KPNA3: variants seen among roughly 807,000 people sequenced by gnomAD.
The protein encoded by KPNA3 is importin subunit alpha-4.
A neutral mutation model predicts 73.8 loss-of-function variants in KPNA3; 13 were observed. That is an observed-to-expected ratio of 0.18 (90% CI 0.11 to 0.28). The LOEUF is 0.28. KPNA3 is among the 10% of genes least tolerant of loss of function. The pLI, the probability that KPNA3 is intolerant of heterozygous loss-of-function variation, is 1.00. For missense variants in KPNA3, 360 were observed against 618.1 expected, an observed-to-expected ratio of 0.58 and a Z score of 4.43; for synonymous variants, 186 against 206.9, an observed-to-expected ratio of 0.90 and a Z score of 0.87.
rs984970107 is a variant in KPNA3 at position 49,716,447 on chromosome 13, A to T, written c.771+3328T>A. On this transcript the variant is annotated intron_variant, in intron 10 of 16. Transcript: ENST00000261667. The stretch of plus-strand genomic sequence containing the variant: ...TATCACACTTTAATTTTATTTAATT[A>T]TTTTTTTTTAACACAGCATCTCGCT... Among the ~76,000 whole-genome samples, 6 of 150,944 alleles carry T rather than the reference A, an allele frequency of 4.0e-5. No individual in the cohort carries two copies. The Admixed American group carries it at 4.0e-4, about 10-fold the overall frequency.
intron 1 of KPNA3, among the ~76,000 whole-genome samples, chr13:49,768,461 C>CTGATATTGT (rs1208993589): frequency 6.6e-6 from 1 of 151,280 alleles, no homozygotes; most frequent in Non-Finnish European, 1.5e-5. Context: ...ATCATAATGA[C>CTGATATTGT]TGATATTGTT....
intron 7 of KPNA3, among the ~76,000 whole-genome samples, chr13:49,722,972 T>C (rs1165087154): frequency 2.6e-5 from 4 of 152,078 alleles, no homozygotes; most frequent in Non-Finnish European, 5.9e-5. Context: ...ATCTTATACT[T>C]TAAAATAATT....
chr13:49,705,760 A>G lies in KPNA3; in HGVS notation c.1233T>C (p.Asn411=). 6.2e-7 allele frequency: 1 copy of G among 1,613,360 alleles called. No individual in the cohort carries two copies. Among genetic ancestry groups the G allele is most frequent in the South Asian group, 1.1e-5 (1 of 91,030 alleles). ...KDQVEYLVQQ[N]VIPPFCNLLS... ...GTAAATTACAGAACGGTGGTATTAC[A>G]TTCTGCTGTACAAGGTACTCAACCT... The change falls in exon 15 of 17, where the codon AAT becomes AAC. Residue 411 remains asparagine (N), a synonymous_variant. Transcript: ENST00000261667.
At chr13:49,722,205 G>C in intron 8 of KPNA3, 81 bp from the exon 9 acceptor site, 1 of 927,178 alleles carries the variant, frequency 1.1e-6, no homozygotes, top group Middle Eastern at 3.2e-4. Context: ...GCTCATGTGG[G>C]AACACTGACG....
intron 6 of KPNA3, among the ~76,000 whole-genome samples, chr13:49,730,159 A>G (rs1954448648): frequency 6.6e-6 from 1 of 152,220 alleles, no homozygotes; most frequent in Non-Finnish European, 1.5e-5. Flanking sequence ...TATGTTTCAT[A>G]GACACAGACA....
intron 15 of KPNA3, among the ~76,000 whole-genome samples, chr13:49,703,877 A>G (rs1226947529): frequency 6.6e-6 from 1 of 152,198 alleles, no homozygotes; most frequent in East Asian, 1.9e-4. Context: ...AATCGTTGCC[A>G]AAGTGCTTTA....
chr13:49,730,768 C>CG (rs1954459773), intron 6 of KPNA3, among the ~76,000 whole-genome samples: 2 of 98,142 alleles, frequency 2.0e-5, no homozygotes, highest in African/African-American at 8.4e-5. Flanking sequence ...ATCCCTCCCC[C>CG]CTCCCCCCTA....
At chr13:49,774,935 C>T (rs975768662) in intron 1 of KPNA3, among the ~76,000 whole-genome samples, 1 of 152,044 alleles carries the variant, frequency 6.6e-6, no homozygotes, top group African/African-American at 2.4e-5. Flanking sequence ...AGGTGGATTA[C>T]CTGAGGTCAA....
At chr13:49,730,758 AT>A (rs1954459206) in intron 6 of KPNA3, among the ~76,000 whole-genome samples, 1 of 110,322 alleles carries the variant, frequency 9.1e-6, no homozygotes, top group African/African-American at 3.7e-5. Context: ...TCCTAATGCT[AT>A]CCCTCCCCCC....
At chr13:49,715,856 T>C (rs927826140) in intron 10 of KPNA3, among the ~76,000 whole-genome samples, 1 of 152,228 alleles carries the variant, frequency 6.6e-6, no homozygotes, top group Non-Finnish European at 1.5e-5. Flanking sequence ...TATAATACTT[T>C]TACATTTGCA....
chr13:49,783,697 C>G (rs1339139895), intron 1 of KPNA3, among the ~76,000 whole-genome samples: 1 of 152,128 alleles, frequency 6.6e-6, no homozygotes, highest in African/African-American at 2.4e-5. Flanking sequence ...TTACTGGATA[C>G]CAAGAAGTTA....
intron 1 of KPNA3, among the ~76,000 whole-genome samples, chr13:49,767,415 A>AT (rs1348804084): frequency 1.4e-5 from 2 of 141,072 alleles, no homozygotes; most frequent in Non-Finnish European, 3.0e-5. Flanking sequence ...CTCTGTCTCA[A>AT]TAAAAAAAAA....
chr13:49,789,986 C>T (rs1330282421), intron 1 of KPNA3, among the ~76,000 whole-genome samples: 2 of 150,340 alleles, frequency 1.3e-5, no homozygotes, highest in African/African-American at 2.4e-5. Context: ...TATACTGTAA[C>T]AATTGTTGTT....
At position 49,762,908 on chromosome 13, in the gene KPNA3, C is replaced by T. The variant is rs114872199; in HGVS notation, c.70-15915G>A. Among the ~76,000 whole-genome samples the T allele has an allele frequency of 5.3e-3, 594 of 111,276 alleles. 6 individuals carry two copies. The highest frequency in any genetic ancestry group is 0.02 in the African/African-American group (562 of 27,558). The allele number at this position is 111,276 out of a possible 152,430, so 73.0% of individuals were successfully genotyped here. On this transcript the variant is annotated intron_variant, in intron 1 of 16. Transcript: ENST00000261667. Reference sequence around the variant, plus strand: ...AAAAAATAAATAAATAAAGTTTACACCAAGGCTGGCTTAAAAAACAAAAAA... The same window carrying T: ...AAAAAATAAATAAATAAAGTTTACATCAAGGCTGGCTTAAAAAACAAAAAA...
intron 1 of KPNA3, among the ~76,000 whole-genome samples, chr13:49,756,462 C>G (rs1954712756): frequency 6.6e-6 from 1 of 152,066 alleles, no homozygotes; most frequent in African/African-American, 2.4e-5. Context: ...GAGGCTGAGG[C>G]AGGAGGACCG....
At chr13:49,702,596 C>A in intron 15 of KPNA3, 116 bp from the exon 16 acceptor site, 1 of 541,508 alleles carries the variant, frequency 1.8e-6, no homozygotes, top group East Asian at 3.5e-5. Flanking sequence ...ACTGCTCCCC[C>A]ATCTAAGATA....
chr13:49,791,495 A>G (rs545062144), intron 1 of KPNA3, among the ~76,000 whole-genome samples: 60 of 152,144 alleles, frequency 3.9e-4, no homozygotes, highest in African/African-American at 1.4e-3. Flanking sequence ...CAACATGCTG[A>G]GTAGCAACTA....
At chr13:49,717,707 T>A (rs543329895) in intron 10 of KPNA3, among the ~76,000 whole-genome samples, 1 of 152,296 alleles carries the variant, frequency 6.6e-6, no homozygotes, top group African/African-American at 2.4e-5. Flanking sequence ...CTCACAAGAA[T>A]TTTGTAAGAA....
At chr13:49,761,419 T>C (rs1034056309) in intron 1 of KPNA3, among the ~76,000 whole-genome samples, 1 of 152,264 alleles carries the variant, frequency 6.6e-6, no homozygotes, top group African/African-American at 2.4e-5. Context: ...TCGTATTTTT[T>C]TGGTGGAGAC....
Sources: allele counts gnomAD v4.1 joint callset (sites outside exome capture counted in the v4.1 genomes callset), GRCh38; gene constraint gnomAD v4.1.1; transcripts MANE v1.5; gene names NCBI Gene and HGNC (gene_info 2026-07-23, HGNC 2026-07-21).